MIPOL1: variants seen among roughly 807,000 people sequenced by gnomAD.
MIPOL1 encodes mirror-image polydactyly gene 1 protein.
A neutral mutation model predicts 60.9 loss-of-function variants in MIPOL1; 57 were observed. The observed-to-expected ratio is 0.94, with a 90% CI of 0.76 to 1.17. The LOEUF (loss-of-function observed/expected upper bound fraction) is 1.17. Ranked by LOEUF, MIPOL1 falls within the 50% of genes most tolerant of loss-of-function variation. The pLI is 0.00. For synonymous variants in MIPOL1, 179 were observed against 168.8 expected (o/e 1.06, Z -0.47); for missense variants, 551 against 511.6 (o/e 1.08, Z -0.74).
At chr14:37,473,218 C>G (rs2094715578) in intron 11 of MIPOL1, among the ~76,000 whole-genome samples, 1 of 152,062 alleles carries the variant, frequency 6.6e-6, no homozygotes, top group African/African-American at 2.4e-5. Context: ...CATCCCACAC[C>G]TCCCGCCTCT....
At chr14:37,374,362 T>C (rs1467516903) in intron 10 of MIPOL1, among the ~76,000 whole-genome samples, 1 of 152,194 alleles carries the variant, frequency 6.6e-6, no homozygotes, top group Non-Finnish European at 1.5e-5. Context: ...GTAGTTTCTT[T>C]TGCCGTGCAG....
chr14:37,269,385 C>CT lies in MIPOL1; in HGVS notation c.387+602dup, dbSNP rs933455209. Among the ~76,000 whole-genome samples the CT allele has an allele frequency of 2.2e-4, 33 of 147,136 alleles. No homozygotes were observed. The Middle Eastern group carries it at 0.01, about 46-fold the overall frequency. ...AAATAATGTGCATTTTCTGTGTCTT[C>CT]TTTTTTTTTTAACCTCTACATACTG... On this transcript the variant is annotated intron_variant, in intron 5 of 12. Coordinates refer to ENST00000684589, the MANE Select transcript of MIPOL1 (RefSeq NM_001388067.1).
At chr14:37,225,747 G>A (rs1254133801) in intron 1 of MIPOL1, among the ~76,000 whole-genome samples, 2 of 152,302 alleles carry the variant, frequency 1.3e-5, no homozygotes, top group Non-Finnish European at 2.9e-5. Flanking sequence ...GCAAATTTAT[G>A]CAGTCGGCTT....
chr14:37,267,970 A>G (rs895110763), intron 4 of MIPOL1, among the ~76,000 whole-genome samples: 3 of 152,116 alleles, frequency 2.0e-5, no homozygotes, highest in Non-Finnish European at 4.4e-5. Flanking sequence ...AACCTTGCCT[A>G]CCTAGCTCAT....
intron 7 of MIPOL1, among the ~76,000 whole-genome samples, chr14:37,292,409 A>G (rs2085170170): frequency 6.8e-6 from 1 of 147,618 alleles, no homozygotes; most frequent in African/African-American, 2.5e-5. Flanking sequence ...GAAATAGGCA[A>G]TTTTGTCAAA....
chr14:37,243,592 A>G (rs1047999159), intron 1 of MIPOL1, among the ~76,000 whole-genome samples: 1 of 152,192 alleles, frequency 6.6e-6, no homozygotes, highest in African/African-American at 2.4e-5. Flanking sequence ...CTTGGATTCA[A>G]TTTACACAAA....
At chr14:37,306,892 G>A (rs2086831004) in intron 7 of MIPOL1, among the ~76,000 whole-genome samples, 1 of 151,824 alleles carries the variant, frequency 6.6e-6, no homozygotes, top group African/African-American at 2.4e-5. Flanking sequence ...CTAAGTGGAT[G>A]TTAGTTGTTT....
chr14:37,393,047 G>A (rs1397959964), intron 10 of MIPOL1, among the ~76,000 whole-genome samples: 1 of 151,950 alleles, frequency 6.6e-6, no homozygotes, highest in Non-Finnish European at 1.5e-5. Flanking sequence ...AGAAAAATTT[G>A]GACACAGATA....
intron 9 of MIPOL1, among the ~76,000 whole-genome samples, chr14:37,333,465 G>T (rs1055400149): frequency 6.6e-6 from 1 of 152,052 alleles, no homozygotes; most frequent in South Asian, 2.1e-4. Flanking sequence ...CATATTAAAG[G>T]TAGTGAAAAG....
At chr14:37,429,679 C>G (rs1331927088) in intron 11 of MIPOL1, among the ~76,000 whole-genome samples, 5 of 151,920 alleles carry the variant, frequency 3.3e-5, no homozygotes, top group African/African-American at 2.4e-5. Flanking sequence ...GAAATATACA[C>G]AAAAAGAAAG....
At chr14:37,258,282 T>G (rs1956515) in intron 3 of MIPOL1, among the ~76,000 whole-genome samples, 2,859 of 152,254 alleles carry the variant, frequency 0.019, 83 homozygotes, top group African/African-American at 0.064. Context: ...ATTTATGAAA[T>G]TGTTGAATTC....
At chr14:37,489,184 C>T (rs947976937) in intron 11 of MIPOL1, among the ~76,000 whole-genome samples, 2 of 152,076 alleles carry the variant, frequency 1.3e-5, no homozygotes, top group East Asian at 1.9e-4. Flanking sequence ...CTAATCTTGT[C>T]GTCACACTTT....
intron 6 of MIPOL1, among the ~76,000 whole-genome samples, chr14:37,280,207 A>C (rs1389109053): frequency 6.6e-6 from 1 of 152,092 alleles, no homozygotes; most frequent in Non-Finnish European, 1.5e-5. Context: ...CATTAAAAAA[A>C]CTCATTTATC....
In MIPOL1 at chr14:37,410,326, G is replaced by A. The variant is rs1023802333; in HGVS notation, c.937-12529G>A. Among the ~76,000 whole-genome samples the A allele has an allele frequency of 5.4e-4, 82 of 152,058 alleles. 3 individuals are homozygous for A. Among genetic ancestry groups the A allele is most frequent in the African/African-American group, 4.6e-4 (19 of 41,496 alleles). ...TAGATATGTAACAAACCTGCACGTC[G>A]TGCACATGTACCCTAAAACTTAAAG... On this transcript the variant is annotated intron_variant, in intron 10 of 12. Coordinates refer to ENST00000684589, the MANE Select transcript of MIPOL1 (RefSeq NM_001388067.1).
intron 11 of MIPOL1, among the ~76,000 whole-genome samples, chr14:37,461,351 A>G (rs1051834050): frequency 6.6e-6 from 1 of 152,172 alleles, no homozygotes; most frequent in Non-Finnish European, 1.5e-5. Context: ...TTTTAAAACC[A>G]TCAGATCACA....
At chr14:37,466,316 A>T (rs1274693604) in intron 11 of MIPOL1, among the ~76,000 whole-genome samples, 1 of 152,186 alleles carries the variant, frequency 6.6e-6, no homozygotes, top group Non-Finnish European at 1.5e-5. Flanking sequence ...ACATGATTTT[A>T]TATTAATTCT....
At chr14:37,417,288 C>T (rs1468658332) in intron 10 of MIPOL1, among the ~76,000 whole-genome samples, 1 of 152,130 alleles carries the variant, frequency 6.6e-6, no homozygotes, top group African/African-American at 2.4e-5. Flanking sequence ...GTTCTGCTTC[C>T]ACCACAAACT....
chr14:37,359,629 C>CTCTGTCTG (rs56659565), intron 9 of MIPOL1, among the ~76,000 whole-genome samples: 1 of 151,604 alleles, frequency 6.6e-6, no homozygotes, highest in African/African-American at 2.4e-5. Context: ...TTATTTGGCT[C>CTCTGTCTG]TCTGTTATTG....
At chr14:37,477,051 C>A (rs1002997820) in intron 11 of MIPOL1, among the ~76,000 whole-genome samples, 1 of 151,852 alleles carries the variant, frequency 6.6e-6, no homozygotes, top group South Asian at 2.1e-4. Flanking sequence ...CAGGCGTGTA[C>A]CACACGTCCA....
Sources: allele counts gnomAD v4.1 joint callset (sites outside exome capture counted in the v4.1 genomes callset), GRCh38; gene constraint gnomAD v4.1.1; transcripts MANE v1.5; gene names NCBI Gene and HGNC (gene_info 2026-07-23, HGNC 2026-07-21).